SDC3: variants seen among roughly 807,000 people sequenced by gnomAD.
SDC3 encodes syndecan 3, also known as syndecan-3.
In SDC3, 13 loss-of-function variants were observed where a neutral mutation model predicts 24.4. The observed-to-expected ratio is 0.53, with a 90% CI of 0.35 to 0.85. The LOEUF (loss-of-function observed/expected upper bound fraction) is 0.85. Ranked by LOEUF, SDC3 falls within the 40% of genes least tolerant of loss-of-function variation. SDC3 has a pLI of 0.01. For synonymous variants in SDC3, 295 were observed against 260.9 expected (o/e 1.13, Z -1.26); for missense variants, 571 against 584.5 (o/e 0.98, Z 0.24).
chr1:30,889,902 C>T (rs1252416347), intron 1 of SDC3, among the ~76,000 whole-genome samples: 2 of 152,062 alleles, frequency 1.3e-5, no homozygotes, highest in African/African-American at 2.4e-5. Flanking sequence ...AAAAAGGTAG[C>T]ATTATTCATA....
At chr1:30,897,762 AATT>A (rs1303465876) in intron 1 of SDC3, among the ~76,000 whole-genome samples, 1 of 152,180 alleles carries the variant, frequency 6.6e-6, no homozygotes, top group Non-Finnish European at 1.5e-5. Flanking sequence ...ACCTTGCACA[AATT>A]ATTTAACCTC....
chr1:30,876,853 G>A lies in SDC3; in HGVS notation c.569C>T (p.Thr190Ile), dbSNP rs1569992888. 3 of 1,613,594 alleles carry A rather than the reference G, an allele frequency of 1.9e-6. No homozygotes were observed. The East Asian group carries it at 6.7e-5, about 36-fold the overall frequency. The change falls in exon 3 of 5, where the codon ACC becomes ATC. Residue 190 changes from threonine (T) to isoleucine (I), a missense_variant. This residue lies in a region of SDC3 where 497 missense variants were observed against 471.6 expected (regional missense o/e 1.05). Coordinates refer to ENST00000339394, the MANE Select transcript of SDC3 (RefSeq NM_014654.4). ...PATVATATPS[T>I]PAAPPFTATT... ...GGCCGTAAAAGGGGGTGCTGCAGGG[G>A]TGCTGGGGGTGGCGGTGGCCACTGT... is the stretch of plus-strand genomic sequence containing the variant.
At chr1:30,908,058 G>A (rs554869034) in intron 1 of SDC3, among the ~76,000 whole-genome samples, 1 of 152,308 alleles carries the variant, frequency 6.6e-6, no homozygotes, top group East Asian at 1.9e-4. Context: ...CCAGCGCAGG[G>A]GTCCCGCTTC....
Position 30,900,494 on chromosome 1 carries a change from C to A in SDC3, c.138+7955G>T, listed in dbSNP as rs1638391696. On this transcript the variant is annotated intron_variant, in intron 1 of 4. Transcript: ENST00000339394. ...CAGAGGGTAAAGACTGACACAGGCA[C>A]CTATACCCCAACTGTGGGCCTGGAC... is the stretch of plus-strand genomic sequence containing the variant. Among the ~76,000 whole-genome samples, 9 of 152,284 alleles carry A rather than the reference C, an allele frequency of 5.9e-5. No individual in the cohort carries two copies. In the South Asian group the frequency reaches 1.9e-3, roughly 32 times the overall value.
At chr1:30,897,660 G>A (rs1401791917) in intron 1 of SDC3, among the ~76,000 whole-genome samples, 1 of 152,038 alleles carries the variant, frequency 6.6e-6, no homozygotes. Context: ...AAATGTACAC[G>A]GCAGCATGAA....
intron 1 of SDC3, 69 bp from the exon 2 acceptor site, chr1:30,878,809 C>A: frequency 1.6e-6 from 2 of 1,275,990 alleles, no homozygotes; most frequent in Non-Finnish European, 2.3e-6. Flanking sequence ...CCCAGAAGGG[C>A]GACAGGTGCC....
chr1:30,872,828 A>G lies in SDC3; in HGVS notation c.*383T>C. On this transcript the variant is annotated 3_prime_UTR_variant, in exon 5 of 5. Transcript: ENST00000339394. ...CAGCCTGAGTGCCTCTCTGCCCCAA[A>G]AAGGAGATCTCAGTGAGCACTGTGG... 4.6e-6 allele frequency: 1 copy of G among 219,724 alleles called. No individual in the cohort carries two copies. The allele number at this position is 219,724 out of a possible 1,614,324, so 13.6% of individuals were successfully genotyped here.
At chr1:30,885,824 T>C (rs1328702275) in intron 1 of SDC3, among the ~76,000 whole-genome samples, 1 of 152,176 alleles carries the variant, frequency 6.6e-6, no homozygotes, top group Non-Finnish European at 1.5e-5. Context: ...GGCCAGTCTC[T>C]GTTGAGGTGC....
chr1:30,892,595 T>G (rs1435416419), intron 1 of SDC3, among the ~76,000 whole-genome samples: 1 of 152,162 alleles, frequency 6.6e-6, no homozygotes, highest in Non-Finnish European at 1.5e-5. Context: ...TAGAACACAG[T>G]CTTGTTCCCC....
chr1:30,895,919 G>A (rs576660427), intron 1 of SDC3, among the ~76,000 whole-genome samples: 60 of 152,130 alleles, frequency 3.9e-4, no homozygotes, highest in African/African-American at 1.4e-3. Context: ...GGAGAGGAGG[G>A]AGGTTGGAGA....
At chr1:30,905,668 C>T (rs1444590687) in intron 1 of SDC3, among the ~76,000 whole-genome samples, 1 of 152,114 alleles carries the variant, frequency 6.6e-6, no homozygotes, top group African/African-American at 2.4e-5. Context: ...CACCTAAGAT[C>T]CCTTCCAGCC....
At chr1:30,893,303 G>GCCCCCCCCCC (rs59392837) in intron 1 of SDC3, among the ~76,000 whole-genome samples, 4 of 13,522 alleles carry the variant, frequency 3.0e-4, no homozygotes, top group Non-Finnish European at 4.2e-4. Context: ...CCCACCAGGA[G>GCCCCCCCCCC]CCCCCCCCCC....
At chr1:30,904,580 T>C (rs1638480321) in intron 1 of SDC3, among the ~76,000 whole-genome samples, 1 of 152,088 alleles carries the variant, frequency 6.6e-6, no homozygotes, top group Non-Finnish European at 1.5e-5. Flanking sequence ...GGCATTGTGC[T>C]CACTCCTCCC....
intron 1 of SDC3, among the ~76,000 whole-genome samples, chr1:30,890,546 A>C (rs1478352997): frequency 6.6e-6 from 1 of 152,242 alleles, no homozygotes; most frequent in Admixed American, 6.5e-5. Context: ...TTCTGGGGTG[A>C]TAAAAACGTT....
At chr1:30,898,939 T>C (rs935282599) in intron 1 of SDC3, among the ~76,000 whole-genome samples, 1 of 152,180 alleles carries the variant, frequency 6.6e-6, no homozygotes, top group African/African-American at 2.4e-5. Flanking sequence ...TTAAAAGTCA[T>C]CACCCAGCAG....
At chr1:30,881,643 C>T (rs919320143) in intron 1 of SDC3, among the ~76,000 whole-genome samples, 14 of 152,330 alleles carry the variant, frequency 9.2e-5, no homozygotes, top group African/African-American at 3.4e-4. Flanking sequence ...CCAGGGGAGC[C>T]GCTGAGCGTT....
At chr1:30,907,282 G>C (rs75321771) in intron 1 of SDC3, among the ~76,000 whole-genome samples, 2,328 of 152,234 alleles carry the variant, frequency 0.015, 28 homozygotes, top group East Asian at 0.039. Context: ...ACTCATCTGG[G>C]GCCTGGATCC....
intron 1 of SDC3, among the ~76,000 whole-genome samples, chr1:30,885,256 G>A (rs1045853470): frequency 2.0e-5 from 3 of 152,154 alleles, no homozygotes; most frequent in Non-Finnish European, 2.9e-5. Flanking sequence ...ATTAATATGA[G>A]TATCATCATT....
intron 1 of SDC3, among the ~76,000 whole-genome samples, chr1:30,879,238 C>T (rs1440734935): frequency 6.6e-6 from 1 of 152,200 alleles, no homozygotes; most frequent in East Asian, 1.9e-4. Context: ...CTTCATATCC[C>T]CAGCCTCAAC....
Sources: allele counts gnomAD v4.1 joint callset (sites outside exome capture counted in the v4.1 genomes callset), GRCh38; gene constraint gnomAD v4.1.1; regional missense constraint gnomAD v4.1.1; transcripts MANE v1.5; gene names NCBI Gene and HGNC (gene_info 2026-07-23, HGNC 2026-07-21).